Variants in DENND1A observed in about 807,000 individuals in gnomAD.
The protein encoded by DENND1A is DENN domain containing 1A.
A neutral mutation model predicts 113.7 loss-of-function variants in DENND1A; 51 were observed. That is an observed-to-expected ratio of 0.45 (90% CI 0.36 to 0.57). DENND1A has a LOEUF of 0.57. Among genes scored for constraint, DENND1A ranks in the 20% least tolerant of loss-of-function variants. DENND1A has a pLI of 0.00. For missense variants in DENND1A, 1,258 were observed against 1,395.9 expected, an observed-to-expected ratio of 0.90 and a Z score of 1.57; for synonymous variants, 565 against 570.8, an observed-to-expected ratio of 0.99 and a Z score of 0.14.
At chr9:123,649,905 C>G (rs1475296965) in intron 9 of DENND1A, among the ~76,000 whole-genome samples, 1 of 152,108 alleles carries the variant, frequency 6.6e-6, no homozygotes, top group Non-Finnish European at 1.5e-5. Context: ...AATTACAGAA[C>G]CCACTAAGGC....
At chr9:123,878,886 C>T (rs533962573) in intron 2 of DENND1A, 65 bp downstream of exon 2, 1 of 1,499,710 alleles carries the variant, frequency 6.7e-7, no homozygotes, top group East Asian at 2.3e-5. Flanking sequence ...CACATATTAT[C>T]TCACGTGCAT....
At chr9:123,821,864 A>T (rs763460810) in intron 2 of DENND1A, among the ~76,000 whole-genome samples, 2 of 152,230 alleles carry the variant, frequency 1.3e-5, no homozygotes, top group Non-Finnish European at 1.5e-5. Context: ...CCTTGTTGCT[A>T]TTATAATTTA....
intron 19 of DENND1A, among the ~76,000 whole-genome samples, chr9:123,435,716 T>C (rs1190414751): frequency 1.3e-5 from 2 of 152,152 alleles, no homozygotes; most frequent in Non-Finnish European, 2.9e-5. Flanking sequence ...AGGACTAGGG[T>C]CCAGTGTCAC....
Position 123,676,618 on chromosome 9 carries a change from G to T in DENND1A, c.372+102C>A, listed in dbSNP as rs370628226. The stretch of plus-strand genomic sequence containing the variant: ...GAATTTCCCAAAATTCCTATAATGG[G>T]CATGCATCACTTTTTTGGTAAAATA... On this transcript the variant is annotated intron_variant, in intron 6 of 23. Transcript: ENST00000394215. 317 of 1,039,538 alleles carry T rather than the reference G, an allele frequency of 3.0e-4. 2 individuals are homozygous for T. The South Asian group carries it at 4.7e-3, about 15-fold the overall frequency. The allele number at this position is 1,039,538 out of a possible 1,614,324, so 64.4% of individuals were successfully genotyped here.
At chr9:123,586,389 C>T (rs1010042301) in intron 11 of DENND1A, among the ~76,000 whole-genome samples, 6 of 152,226 alleles carry the variant, frequency 3.9e-5, no homozygotes, top group African/African-American at 9.6e-5. Context: ...CTTCCCACTC[C>T]TGGCTGGAGG....
chr9:123,877,333 C>A (rs866126532), intron 2 of DENND1A, among the ~76,000 whole-genome samples: 1 of 151,206 alleles, frequency 6.6e-6, no homozygotes, highest in African/African-American at 2.4e-5. Flanking sequence ...ACTAAAAATA[C>A]AAAAAATTAG....
intron 2 of DENND1A, among the ~76,000 whole-genome samples, chr9:123,794,180 A>G (rs1833432647): frequency 6.6e-6 from 1 of 152,160 alleles, no homozygotes; most frequent in South Asian, 2.1e-4. Flanking sequence ...GTGGCAGGAA[A>G]AGGACTAGGC....
intron 10 of DENND1A, among the ~76,000 whole-genome samples, chr9:123,627,418 G>C (rs1196116210): frequency 6.6e-6 from 1 of 152,186 alleles, no homozygotes; most frequent in Non-Finnish European, 1.5e-5. Context: ...CTAAGACATG[G>C]CCAGCATCGG....
chr9:123,849,091 T>C (rs1842994999), intron 2 of DENND1A, among the ~76,000 whole-genome samples: 1 of 152,204 alleles, frequency 6.6e-6, no homozygotes, highest in South Asian at 2.1e-4. Context: ...GCTAAGATCA[T>C]TGATAAAGGT....
In DENND1A at chr9:123,485,656, G is replaced by GCACACACACACACACA. The variant is rs77062893; in HGVS notation, c.994-27775_994-27760dup. 1.1e-4 allele frequency: 16 copies of GCACACACACACACACA among 141,156 alleles called. 1 individual carries two copies. The highest frequency in any genetic ancestry group is 2.2e-4 in the South Asian group (1 of 4,552). The allele number at this position is 141,156 out of a possible 1,614,324, so 8.7% of individuals were successfully genotyped here. On this transcript the variant is annotated intron_variant, in intron 13 of 23. Transcript: ENST00000394215. ...TGCGCGTACACACACGCGCGCGCGC[G>GCACACACACACACACA]CACACACACACACACACACACACAC... is the stretch of plus-strand genomic sequence containing the variant.
intron 10 of DENND1A, among the ~76,000 whole-genome samples, chr9:123,628,393 C>G (rs1395014643): frequency 6.6e-6 from 1 of 151,798 alleles, no homozygotes; most frequent in Non-Finnish European, 1.5e-5. Context: ...CAGACCATGG[C>G]AGCGGGGACA....
chr9:123,775,155 CTATATT>C (rs1311482731), intron 3 of DENND1A, among the ~76,000 whole-genome samples: 1 of 152,098 alleles, frequency 6.6e-6, no homozygotes, highest in Non-Finnish European at 1.5e-5. Context: ...AAAATGAGAG[CTATATT>C]TATAAGGTCA....
chr9:123,475,851 G>T (rs185953532), intron 13 of DENND1A, among the ~76,000 whole-genome samples: 16 of 152,324 alleles, frequency 1.1e-4, no homozygotes, highest in Non-Finnish European at 1.5e-4. Flanking sequence ...GTGATCATCT[G>T]GGGGGACAGC....
Position 123,676,846 on chromosome 9 carries a change from C to T in DENND1A, c.303-57G>A, listed in dbSNP as rs1242006689. 90 of 1,520,014 alleles carry T rather than the reference C, an allele frequency of 5.9e-5. 1 individual carries two copies. The East Asian group carries it at 2.0e-3, about 33-fold the overall frequency. The allele number at this position is 1,520,014 out of a possible 1,614,324, so 94.2% of individuals were successfully genotyped here. ...TAGTATGCAGGTCAAAAACTTTAAC[C>T]AGGATCTAATTCAAGACTGATACAT... On this transcript the variant is annotated intron_variant, in intron 5 of 23. Transcript: ENST00000394215.
chr9:123,725,088 T>C (rs1315228415), intron 5 of DENND1A, among the ~76,000 whole-genome samples: 1 of 152,232 alleles, frequency 6.6e-6, no homozygotes, highest in Non-Finnish European at 1.5e-5. Flanking sequence ...TCTCTGCAAT[T>C]GTAACGCCAT....
At chr9:123,536,548 A>G (rs1351565810) in intron 13 of DENND1A, among the ~76,000 whole-genome samples, 1 of 152,116 alleles carries the variant, frequency 6.6e-6, no homozygotes, top group Non-Finnish European at 1.5e-5. Flanking sequence ...AGCTTCTACA[A>G]GTGGAAGTGT....
At chr9:123,731,634 G>A (rs192964559) in intron 5 of DENND1A, among the ~76,000 whole-genome samples, 201 of 152,252 alleles carry the variant, frequency 1.3e-3, no homozygotes, top group Admixed American at 2.8e-3. Context: ...GAAAAGATAG[G>A]AGAAAATCTT....
chr9:123,473,138 A>G (rs1212451306), intron 13 of DENND1A, among the ~76,000 whole-genome samples: 1 of 152,104 alleles, frequency 6.6e-6, no homozygotes, highest in African/African-American at 2.4e-5. Context: ...TTCTAGCCCC[A>G]TGCCTGGGTC....
At chr9:123,539,737 G>T (rs1204265860) in intron 13 of DENND1A, among the ~76,000 whole-genome samples, 1 of 152,026 alleles carries the variant, frequency 6.6e-6, no homozygotes, top group Non-Finnish European at 1.5e-5. Flanking sequence ...CAAAAAATTA[G>T]CCGGGCACGG....
Sources: allele counts gnomAD v4.1 joint callset (sites outside exome capture counted in the v4.1 genomes callset), GRCh38; gene constraint gnomAD v4.1.1; transcripts MANE v1.5; gene names NCBI Gene and HGNC (gene_info 2026-07-23, HGNC 2026-07-21).